Variants in PLXNA4 observed in about 807,000 individuals in gnomAD.
PLXNA4 encodes the protein plexin-A4.
Under a neutral mutation model 191.8 loss-of-function variants are expected in PLXNA4, and 44 were observed. The ratio of observed to expected loss-of-function variants is 0.23; its 90% CI spans 0.18 to 0.29. PLXNA4 has a LOEUF of 0.29. Ranked by LOEUF, PLXNA4 falls within the 10% of genes least tolerant of loss-of-function variation. PLXNA4 has a pLI of 1.00. For missense variants in PLXNA4, 1,800 were observed against 2,488.8 expected (o/e 0.72, Z 5.89); for synonymous variants, 1,082 against 1,009.5 (o/e 1.07, Z -1.36).
chr7:132,377,587 C>A (rs2116926792), intron 3 of PLXNA4, among the ~76,000 whole-genome samples: 1 of 152,240 alleles, frequency 6.6e-6, no homozygotes, highest in South Asian at 2.1e-4. Context: ...AGATGGGGTA[C>A]CACAGCCTCC....
intron 1 of PLXNA4, among the ~76,000 whole-genome samples, chr7:132,522,069 A>T (rs1799211026): frequency 6.6e-6 from 1 of 152,118 alleles, no homozygotes; most frequent in South Asian, 2.1e-4. Context: ...GGTGTGATAA[A>T]GGGTCAGATC....
intron 3 of PLXNA4, among the ~76,000 whole-genome samples, chr7:132,422,363 G>A (rs778476074): frequency 7.9e-5 from 12 of 152,158 alleles, no homozygotes; most frequent in South Asian, 4.1e-4. Context: ...CAGCCACAAC[G>A]GCATTTAATT....
chr7:132,333,787 G>C (rs1802694590), intron 3 of PLXNA4, among the ~76,000 whole-genome samples: 1 of 152,190 alleles, frequency 6.6e-6, no homozygotes, highest in Non-Finnish European at 1.5e-5. Context: ...GTGGGGATAA[G>C]ACACTTCCAA....
rs140211445 is a variant in PLXNA4 at position 132,206,346 on chromosome 7, G to GA, written c.2299-2928dup. 8.5e-3 allele frequency among the ~76,000 whole-genome samples: 1,289 copies of GA among 152,174 alleles called. 21 individuals are homozygous for GA. Among genetic ancestry groups the GA allele is most frequent in the African/African-American group, 0.03 (1,226 of 41,498 alleles). On this transcript the variant is annotated intron_variant, in intron 10 of 31. Transcript: ENST00000321063. ...TGTTGCCTATGTTTATGTTTGTGCA[G>GA]AAAAATAATAGCAGCCATGCATTGA...
rs1802240004 is a variant in PLXNA4 at position 132,576,418 on chromosome 7, T to C, written c.-87+4A>G. 1.0e-6 allele frequency: 1 copy of C among 985,632 alleles called. No homozygotes were observed. Among genetic ancestry groups the C allele is most frequent in the South Asian group, 4.7e-5 (1 of 21,274 alleles). The allele number at this position is 985,632 out of a possible 1,614,324, so 61.1% of individuals were successfully genotyped here. On this transcript the variant is annotated splice_donor_region_variant and intron_variant, in intron 1 of 31. Coordinates refer to ENST00000321063, the MANE Select transcript of PLXNA4 (RefSeq NM_020911.2). The surrounding 1 kb of genome is among the most constrained non-coding windows in gnomAD (Gnocchi z 5.8). ...CCCCACTCCCCGGCGGGCCGGCTCC[T>C]TACCTGGACGCGCCGCGTTTCCCTC...
At chr7:132,525,406 C>T (rs750999285) in intron 1 of PLXNA4, among the ~76,000 whole-genome samples, 2 of 152,040 alleles carry the variant, frequency 1.3e-5, no homozygotes, top group Non-Finnish European at 2.9e-5. Context: ...CAGGCTGCTA[C>T]ACCAGGCTAA....
Position 132,180,662 on chromosome 7 carries a change from T to C in PLXNA4, c.3563A>G (p.Lys1188Arg), listed in dbSNP as rs1437838156. The C allele has an allele frequency of 6.2e-7, 1 of 1,614,168 alleles. No individual in the cohort carries two copies. The highest frequency in any genetic ancestry group is 1.7e-5 in the Admixed American group (1 of 60,016). The part of the protein sequence containing the change: ...KLNYTVLVGE[K>R]PCTVTVSDVQ... ...ATCTGACACGGTCACGGTGCACGGCTTCTCCCCAACCAGCACAGTGTAGTT... is the reference window on the plus strand; with the variant it reads ...ATCTGACACGGTCACGGTGCACGGCCTCTCCCCAACCAGCACAGTGTAGTT... The change falls in exon 19 of 32, where the codon AAG (lysine) becomes AGG (arginine). Residue 1188 changes from lysine to arginine, a missense_variant. Lys to Arg is a conservative substitution (Grantham distance 26). Transcript: ENST00000321063.
chr7:132,583,688 C>T (rs567021082), intron 2 of PLXNA4, among the ~76,000 whole-genome samples: 5 of 152,198 alleles, frequency 3.3e-5, no homozygotes, highest in Non-Finnish European at 7.3e-5. Flanking sequence ...TGTCTGCCTC[C>T]AGGACTCTGT....
chr7:132,399,108 C>A (rs1053574694), intron 3 of PLXNA4, among the ~76,000 whole-genome samples: 1 of 152,150 alleles, frequency 6.6e-6, no homozygotes, highest in Admixed American at 6.5e-5. Context: ...GAGGTCCCTG[C>A]TAGAATTTCC....
chr7:132,638,929 T>C (rs1383367119), intron 2 of PLXNA4, among the ~76,000 whole-genome samples: 4 of 152,102 alleles, frequency 2.6e-5, no homozygotes, highest in African/African-American at 9.6e-5. Context: ...TCACAGGACA[T>C]CTTATCTTTT....
At chr7:132,252,908 G>A (rs1425639229) in intron 4 of PLXNA4, among the ~76,000 whole-genome samples, 1 of 152,144 alleles carries the variant, frequency 6.6e-6, no homozygotes, top group Non-Finnish European at 1.5e-5. Context: ...ATGGATGAAT[G>A]TCTATGATTC....
At chr7:132,384,508 T>C (rs1805034283) in intron 3 of PLXNA4, 6 of 986,414 alleles carry the variant, frequency 6.1e-6, no homozygotes, top group Non-Finnish European at 7.2e-6. Context: ...ACCATAGTCT[T>C]AAGGAAAGGA....
intron 29 of PLXNA4, among the ~76,000 whole-genome samples, chr7:132,144,724 T>G (rs1795368162): frequency 6.6e-6 from 1 of 152,174 alleles, no homozygotes; most frequent in South Asian, 2.1e-4. Context: ...ATCTGTCAGT[T>G]CATTGAGGGC....
intron 1 of PLXNA4, among the ~76,000 whole-genome samples, chr7:132,555,461 A>C (rs1800763071): frequency 1.3e-5 from 2 of 152,238 alleles, no homozygotes; most frequent in South Asian, 2.1e-4. Context: ...GGGTGGCAAG[A>C]AGCAGAACTG....
In PLXNA4 at chr7:132,241,131, A is replaced by G. The variant is rs59165940; in HGVS notation, c.1539T>C (p.Tyr513=). The change falls in exon 5 of 32, where the codon TAT becomes TAC. Residue 513 remains tyrosine, a synonymous_variant. Coordinates refer to ENST00000321063, the MANE Select transcript of PLXNA4 (RefSeq NM_020911.2). ...AGCCAAGGCACTCGCCGCAGCTCTG[A>G]TACTGACCACAGGACTCCACAGGGA... ...TRVPVESCGQ[Y]QSCGECLGSG... The G allele has an allele frequency of 1.9e-3, 3,115 of 1,613,272 alleles. 53 individuals are homozygous for G. In the African/African-American group the frequency reaches 0.036, roughly 18 times the overall value.
At chr7:132,132,455 C>CTGT (rs1563048253) in intron 31 of PLXNA4, among the ~76,000 whole-genome samples, 2 of 45,968 alleles carry the variant, frequency 4.4e-5, no homozygotes, top group South Asian at 8.1e-4. Context: ...CTGTTCTGTT[C>CTGT]TGTTCTGTTC....
intron 4 of PLXNA4, among the ~76,000 whole-genome samples, chr7:132,296,427 T>G (rs2116491409): frequency 7.2e-6 from 1 of 138,708 alleles, no homozygotes; most frequent in Middle Eastern, 3.7e-3. Context: ...TTTGTTTTTT[T>G]GTTTTTAATT....
intron 5 of PLXNA4, among the ~76,000 whole-genome samples, chr7:132,228,922 T>A (rs1331829008): frequency 6.6e-6 from 1 of 152,192 alleles, no homozygotes; most frequent in African/African-American, 2.4e-5. Context: ...TTCCTACTTT[T>A]TCTTCCAGCC....
chr7:132,543,241 C>T (rs1355995871), intron 1 of PLXNA4, among the ~76,000 whole-genome samples: 1 of 152,150 alleles, frequency 6.6e-6, no homozygotes, highest in Non-Finnish European at 1.5e-5. Flanking sequence ...AGCCTGACTT[C>T]ACAACTTGCA....
Sources: gnomAD v4.1 joint callset for allele counts (sites outside exome capture counted in the v4.1 genomes callset) on GRCh38, gnomAD v4.1.1 for gene constraint, Gnocchi (gnomAD v3.1) non-coding constraint, MANE v1.5 for transcripts, NCBI Gene and HGNC (gene_info 2026-07-23, HGNC 2026-07-21) for gene names.